The following HYCC1 variants were observed in gnomAD, a reference collection of about 807,000 sequenced individuals.
HYCC1 encodes hyccin PI4KA lipid kinase complex subunit 1, also known as hyccin.
At chr7:22,941,635 T>C in the HYCC1 span, 1 of 152,216 alleles carries the variant, frequency 6.6e-6, no homozygotes, top group South Asian at 2.1e-4. Flanking sequence ...AACTCTACTA[T>C]AAAAAAACAC....
chr7:22,934,206 CTTTTTTTTTTTTTTTTTTTTTT>C, the HYCC1 span: 5 of 100,182 alleles, frequency 5.0e-5, no homozygotes, highest in African/African-American at 4.3e-5. Context: ...TCTTTTTTTT[CTTTTTTTTTTTTTTTTTTTTTT>C]TTTTTTCCCT....
chr7:23,008,390 A>C, the HYCC1 span, among the ~76,000 whole-genome samples: 2 of 152,042 alleles, frequency 1.3e-5, no homozygotes, highest in Non-Finnish European at 2.9e-5. Context: ...TACATGAAGA[A>C]AACTCAAAAC....
the HYCC1 span, among the ~76,000 whole-genome samples, chr7:22,927,095 C>A: frequency 6.6e-6 from 1 of 152,136 alleles, no homozygotes; most frequent in African/African-American, 2.4e-5. Context: ...GGATACATAA[C>A]GAAATGAAGG....
the HYCC1 span, among the ~76,000 whole-genome samples, chr7:22,999,809 C>T: frequency 2.4e-4 from 36 of 152,052 alleles, no homozygotes; most frequent in Non-Finnish European, 4.0e-4. Context: ...TGATCTGTGT[C>T]CTCAAGGCAA....
the HYCC1 span, among the ~76,000 whole-genome samples, chr7:22,959,416 G>T: frequency 6.6e-6 from 1 of 152,030 alleles, no homozygotes; most frequent in Non-Finnish European, 1.5e-5. Context: ...TTTCACCTCA[G>T]TTTACAGGAA....
the HYCC1 span, among the ~76,000 whole-genome samples, chr7:22,974,677 T>C: frequency 1.1e-4 from 16 of 152,222 alleles, no homozygotes; most frequent in Admixed American, 5.2e-4. Context: ...TTGTTTATTT[T>C]GTTTTCATTT....
chr7:23,003,310 T>C, the HYCC1 span, among the ~76,000 whole-genome samples: 1 of 151,924 alleles, frequency 6.6e-6, no homozygotes, highest in Admixed American at 6.6e-5. Flanking sequence ...GAATACGACA[T>C]AGCTGACTTA....
the HYCC1 span, among the ~76,000 whole-genome samples, chr7:22,930,085 C>T: frequency 8.6e-5 from 13 of 150,444 alleles, no homozygotes; most frequent in East Asian, 1.6e-3. Flanking sequence ...AGCAAACTAT[C>T]GCAAGGACAA....
chr7:22,988,522 C>CAAGATCTGGGAGCTTAGTGT, the HYCC1 span, among the ~76,000 whole-genome samples: 1 of 152,102 alleles, frequency 6.6e-6, no homozygotes, highest in Non-Finnish European at 1.5e-5. Flanking sequence ...ATTTGGAAAA[C>CAAGATCTGGGAGCTTAGTGT]AAGATCTGGG....
the HYCC1 span, among the ~76,000 whole-genome samples, chr7:22,982,475 G>T: frequency 6.6e-6 from 1 of 152,120 alleles, no homozygotes; most frequent in East Asian, 1.9e-4. Flanking sequence ...CTCAATTTTG[G>T]TAGTTTCATC....
At chr7:22,895,905 C>G in the HYCC1 span, among the ~76,000 whole-genome samples, 2 of 152,308 alleles carry the variant, frequency 1.3e-5, no homozygotes, top group South Asian at 4.1e-4. Context: ...TGGCATCCAG[C>G]TAGACAAGCT....
the HYCC1 span, among the ~76,000 whole-genome samples, chr7:22,925,740 C>T: frequency 7.2e-5 from 11 of 152,146 alleles, 1 homozygote; most frequent in South Asian, 8.3e-4. Flanking sequence ...AGAATGGAAC[C>T]GAGTTGGAAA....
chr7:22,924,008 A>AC, the HYCC1 span, among the ~76,000 whole-genome samples: 1 of 149,730 alleles, frequency 6.7e-6, no homozygotes, highest in South Asian at 2.1e-4. Context: ...AAAAAAAAAA[A>AC]AAAAAACCCA....
the HYCC1 span, chr7:22,983,687 A>C: frequency 2.3e-6 from 1 of 428,064 alleles, no homozygotes; most frequent in Non-Finnish European, 4.2e-6. Flanking sequence ...CTGAATGAAT[A>C]AAATGAAATG....
At chr7:23,013,917 G>A in the HYCC1 span, 1 of 468,924 alleles carries the variant, frequency 2.1e-6, no homozygotes, top group East Asian at 7.0e-5. Context: ...TCTCTCGGCT[G>A]GACTCACCAG....
chr7:22,946,125 T>C, the HYCC1 span: 2 of 1,613,196 alleles, frequency 1.2e-6, no homozygotes, highest in Non-Finnish European at 1.7e-6. Flanking sequence ...ACTTCAGATA[T>C]CTCCATCAGT....
At chr7:22,981,206 T>G in the HYCC1 span, among the ~76,000 whole-genome samples, 1 of 152,234 alleles carries the variant, frequency 6.6e-6, no homozygotes, top group Non-Finnish European at 1.5e-5. Flanking sequence ...AGATCAAGAA[T>G]TTAGTCTATT....
chr7:22,915,922 C>A, the HYCC1 span, among the ~76,000 whole-genome samples: 1 of 152,080 alleles, frequency 6.6e-6, no homozygotes, highest in African/African-American at 2.4e-5. Flanking sequence ...TAGGCTACAA[C>A]CACACCTCAT....
the HYCC1 span, among the ~76,000 whole-genome samples, chr7:22,957,360 C>A: frequency 6.1e-4 from 91 of 148,546 alleles, 3 homozygotes; most frequent in South Asian, 0.019. Flanking sequence ...GAGAAAACCT[C>A]ATTCACTCGT....
Sources: allele counts gnomAD v4.1 joint callset (sites outside exome capture counted in the v4.1 genomes callset), GRCh38; gene constraint gnomAD v4.1.1; transcripts MANE v1.5; gene names NCBI Gene and HGNC (gene_info 2026-07-23, HGNC 2026-07-21).